Variants in DENND5B observed in about 807,000 individuals in gnomAD.
The protein encoded by DENND5B is DENN domain containing 5B.
In DENND5B, 34 loss-of-function variants were observed where a neutral mutation model predicts 140.6. That is an observed-to-expected ratio of 0.24 (90% CI 0.18 to 0.32). DENND5B has a LOEUF of 0.32. Ranked by LOEUF, DENND5B falls within the 10% of genes least tolerant of loss-of-function variation. The pLI, the probability that DENND5B is intolerant of heterozygous loss-of-function variation, is 1.00. For missense variants in DENND5B, 1,142 were observed against 1,560.2 expected (o/e 0.73, Z 4.52); for synonymous variants, 551 against 562.1 (o/e 0.98, Z 0.28).
At chr12:31,580,326 G>A (rs1036153070) in intron 1 of DENND5B, among the ~76,000 whole-genome samples, 1 of 152,010 alleles carries the variant, frequency 6.6e-6, no homozygotes, top group Non-Finnish European at 1.5e-5. Flanking sequence ...AAGAGGAAAG[G>A]AATAGGCTAA....
intron 8 of DENND5B, chr12:31,432,077 C>T: frequency 9.1e-6 from 9 of 985,208 alleles, no homozygotes; most frequent in African/African-American, 1.7e-5. Flanking sequence ...TTTAGGAAGT[C>T]GTGCAGGAGG....
At chr12:31,474,677 C>T (rs970878384) in intron 3 of DENND5B, among the ~76,000 whole-genome samples, 1 of 152,128 alleles carries the variant, frequency 6.6e-6, no homozygotes, top group Non-Finnish European at 1.5e-5. Context: ...TATGGCATAG[C>T]TTTATCAGTG....
At chr12:31,471,461 ATTT>A (rs747862984) in intron 3 of DENND5B, among the ~76,000 whole-genome samples, 1 of 111,928 alleles carries the variant, frequency 8.9e-6, no homozygotes, top group African/African-American at 3.5e-5. Context: ...CCATGCCTGT[ATTT>A]TTTTTTTTTT....
rs748728532 is a variant in DENND5B, at chr12:31,387,568, G to A, written c.*35C>T. The stretch of plus-strand genomic sequence containing the variant: ...AATCGGTCCCCTAGTTGGGGAAGGA[G>A]CAAGGTTTGGACTGAGAGTTTCTAG... On this transcript the variant is annotated 3_prime_UTR_variant, in exon 21 of 21. Transcript: ENST00000389082. The A allele has an allele frequency of 1.3e-5, 20 of 1,595,136 alleles. No homozygotes were observed. The highest frequency in any genetic ancestry group is 1.7e-5 in the Non-Finnish European group (20 of 1,166,886).
intron 1 of DENND5B, among the ~76,000 whole-genome samples, chr12:31,586,289 C>G (rs896240293): frequency 6.6e-6 from 1 of 152,132 alleles, no homozygotes; most frequent in African/African-American, 2.4e-5. Flanking sequence ...GTTTTGAAAC[C>G]TTTTCCTTAT....
At chr12:31,453,178 A>G (rs949768602) in intron 4 of DENND5B, among the ~76,000 whole-genome samples, 2 of 152,176 alleles carry the variant, frequency 1.3e-5, no homozygotes, top group African/African-American at 4.8e-5. Flanking sequence ...AAGTCATTAT[A>G]CCTAATGCAG....
intron 3 of DENND5B, among the ~76,000 whole-genome samples, chr12:31,478,705 A>AG (rs1411766662): frequency 6.6e-6 from 1 of 151,750 alleles, no homozygotes; most frequent in Non-Finnish European, 1.5e-5. Flanking sequence ...TGTCTAAAAA[A>AG]AAAAGTGAAT....
At chr12:31,571,653 C>T (rs1327391484) in intron 1 of DENND5B, among the ~76,000 whole-genome samples, 2 of 151,852 alleles carry the variant, frequency 1.3e-5, no homozygotes, top group African/African-American at 4.8e-5. Context: ...GAGTTTCACT[C>T]ATTGCCCAGG....
chr12:31,587,526 CTTTTTTTTTTTTTT>C (rs71460995), intron 1 of DENND5B, among the ~76,000 whole-genome samples: 21 of 75,036 alleles, frequency 2.8e-4, no homozygotes, highest in African/African-American at 6.7e-4. Context: ...CCACAAATAC[CTTTTTTTTTTTTTT>C]TTTTTTTTTT....
chr12:31,549,270 T>A (rs1948960346), intron 1 of DENND5B, among the ~76,000 whole-genome samples: 1 of 152,152 alleles, frequency 6.6e-6, no homozygotes, highest in African/African-American at 2.4e-5. Context: ...CATCTGCCCC[T>A]ATCAGCAATG....
Position 31,496,877 on chromosome 12 carries a change from T to A in DENND5B, c.128-958A>T, listed in dbSNP as rs540743399. ...AGGTAGACGGATCTTAAATTCCCAA[T>A]GTCAAAAATTTGGGATCAAGGAACT... On this transcript the variant is annotated intron_variant, in intron 1 of 20. Coordinates refer to ENST00000389082, the MANE Select transcript of DENND5B (RefSeq NM_144973.4). Among the ~76,000 whole-genome samples the A allele has an allele frequency of 2.6e-5, 4 of 152,276 alleles. No individual in the cohort carries two copies. In the East Asian group the frequency reaches 7.7e-4, roughly 29 times the overall value.
chr12:31,434,001 TAGAA>T (rs1243688487), intron 7 of DENND5B, among the ~76,000 whole-genome samples: 1 of 152,064 alleles, frequency 6.6e-6, no homozygotes, highest in Non-Finnish European at 1.5e-5. Flanking sequence ...TCAAGATAAA[TAGAA>T]AGATTCAAAC....
At chr12:31,588,677 G>T (rs1209193817) in intron 1 of DENND5B, among the ~76,000 whole-genome samples, 2 of 152,170 alleles carry the variant, frequency 1.3e-5, no homozygotes, top group Non-Finnish European at 2.9e-5. Context: ...CGAGGATTTT[G>T]GTGTGGGGGA....
At chr12:31,408,067 G>A (rs1459437799) in intron 14 of DENND5B, among the ~76,000 whole-genome samples, 6 of 152,074 alleles carry the variant, frequency 3.9e-5, no homozygotes, top group East Asian at 3.9e-4. Context: ...AGGTTGAGGC[G>A]GATGGATCAC....
intron 1 of DENND5B, among the ~76,000 whole-genome samples, chr12:31,567,328 AAAG>A (rs888448265): frequency 3.3e-5 from 5 of 150,784 alleles, no homozygotes; most frequent in Non-Finnish European, 7.4e-5. Flanking sequence ...AAAAAAAAAA[AAAG>A]AAGTTGCCAA....
intron 4 of DENND5B, among the ~76,000 whole-genome samples, chr12:31,453,280 A>C (rs1439755313): frequency 6.6e-6 from 1 of 150,566 alleles, no homozygotes; most frequent in Non-Finnish European, 1.5e-5. Flanking sequence ...GATATTTTTG[A>C]GTTGAGTAGA....
rs369196958 is a variant in DENND5B at position 31,479,872 on chromosome 12, G to A, written c.621C>T (p.Phe207=). ...TAACAGCCTTGTAAAGCTGGATAAG[G>A]AATTTCTTGCAGGCCTGCATGAATG... is the stretch of plus-strand genomic sequence containing the variant. ...PLPFMQACKK[F]LIQLYKAVTS... is the part of the protein sequence containing the mutation. Residue 207 remains phenylalanine, a synonymous_variant, in exon 3 of 21, where the codon TTC becomes TTT. Coordinates refer to ENST00000389082, the MANE Select transcript of DENND5B (RefSeq NM_144973.4). 4 of 1,613,810 alleles carry A rather than the reference G, an allele frequency of 2.5e-6. No individual in the cohort carries two copies. Among genetic ancestry groups the A allele is most frequent in the African/African-American group, 2.7e-5 (2 of 74,934 alleles).
chr12:31,550,786 G>A (rs1215138813), intron 1 of DENND5B, among the ~76,000 whole-genome samples: 3 of 152,066 alleles, frequency 2.0e-5, no homozygotes, highest in African/African-American at 7.3e-5. Context: ...ATCTCATTGC[G>A]GTTTTGATTT....
intron 4 of DENND5B, among the ~76,000 whole-genome samples, chr12:31,455,597 A>G (rs1944733704): frequency 6.6e-6 from 1 of 152,220 alleles, no homozygotes; most frequent in African/African-American, 2.4e-5. Context: ...AAAAATTCAG[A>G]AGAGCTCAAT....
Sources: gnomAD v4.1 joint callset for allele counts (sites outside exome capture counted in the v4.1 genomes callset) on GRCh38, gnomAD v4.1.1 for gene constraint, MANE v1.5 for transcripts, NCBI Gene and HGNC (gene_info 2026-07-23, HGNC 2026-07-21) for gene names.